The following SLC8A1 variants were observed in gnomAD, a reference collection of about 807,000 sequenced individuals.
SLC8A1 encodes the protein solute carrier family 8 member A1.
In SLC8A1, 18 loss-of-function variants were observed where a neutral mutation model predicts 68.3. The ratio of observed to expected loss-of-function variants is 0.26; its 90% CI spans 0.18 to 0.39. The LOEUF is 0.39. Among genes scored for constraint, SLC8A1 ranks in the 10% least tolerant of loss-of-function variants. The pLI is 1.00. For missense variants in SLC8A1, 985 were observed against 1,156.7 expected (o/e 0.85, Z 2.15); for synonymous variants, 475 against 415.5 (o/e 1.14, Z -1.74).
chr2:40,252,164 T>C (rs902581070), intron 2 of SLC8A1, among the ~76,000 whole-genome samples: 4 of 152,212 alleles, frequency 2.6e-5, no homozygotes, highest in Non-Finnish European at 5.9e-5. Flanking sequence ...TTTATTCATA[T>C]AGAGAGAATT....
intron 2 of SLC8A1, among the ~76,000 whole-genome samples, chr2:40,273,943 AC>A (rs2066377374): frequency 6.8e-6 from 1 of 146,410 alleles, no homozygotes; most frequent in Non-Finnish European, 1.5e-5. Context: ...CTTCTACTTC[AC>A]CAGGGGGCTC....
intron 2 of SLC8A1, among the ~76,000 whole-genome samples, chr2:40,247,367 T>C (rs1336684364): frequency 6.6e-6 from 1 of 152,156 alleles, no homozygotes; most frequent in Non-Finnish European, 1.5e-5. Context: ...TGCCACGTGT[T>C]TGAGAAGGAT....
At chr2:40,510,986 G>A (rs1479028657) in intron 1 of SLC8A1, among the ~76,000 whole-genome samples, 1 of 152,120 alleles carries the variant, frequency 6.6e-6, no homozygotes, top group Non-Finnish European at 1.5e-5. Context: ...ATCTGTATCT[G>A]TTAAATGAAT....
intron 2 of SLC8A1, among the ~76,000 whole-genome samples, chr2:40,230,466 T>C (rs971078632): frequency 6.6e-6 from 1 of 152,146 alleles, no homozygotes; most frequent in Admixed American, 6.6e-5. Flanking sequence ...TGAGAAATGC[T>C]GCTTAGATCC....
intron 2 of SLC8A1, among the ~76,000 whole-genome samples, chr2:40,181,794 A>ATT (rs1382778671): frequency 2.0e-5 from 3 of 152,220 alleles, no homozygotes; most frequent in African/African-American, 7.2e-5. Context: ...CTGAGGTGAA[A>ATT]TAAACCAATG....
At chr2:40,469,239 G>A (rs1703870307) in intron 1 of SLC8A1, among the ~76,000 whole-genome samples, 1 of 152,228 alleles carries the variant, frequency 6.6e-6, no homozygotes, top group East Asian at 1.9e-4. Flanking sequence ...ATATGGAATT[G>A]TAATACCTAC....
intron 7 of SLC8A1, among the ~76,000 whole-genome samples, chr2:40,119,722 A>T (rs1459128866): frequency 6.6e-6 from 1 of 152,112 alleles, no homozygotes; most frequent in Non-Finnish European, 1.5e-5. Flanking sequence ...TAACACATGT[A>T]TTTTTTCCTT....
chr2:40,478,891 C>T (rs1026151315), intron 1 of SLC8A1, among the ~76,000 whole-genome samples: 5 of 152,010 alleles, frequency 3.3e-5, no homozygotes, highest in Non-Finnish European at 5.9e-5. Flanking sequence ...CATGCCTCAG[C>T]CTCCCAAGTA....
At chr2:40,511,146 C>G (rs890515756) in intron 1 of SLC8A1, among the ~76,000 whole-genome samples, 3 of 152,146 alleles carry the variant, frequency 2.0e-5, no homozygotes, top group Non-Finnish European at 4.4e-5. Context: ...TTCTCCATTT[C>G]TCTTTTCTTT....
intron 2 of SLC8A1, among the ~76,000 whole-genome samples, chr2:40,412,722 G>T (rs1013658496): frequency 1.8e-4 from 27 of 152,218 alleles, no homozygotes; most frequent in African/African-American, 5.8e-4. Flanking sequence ...AATTGCAAAG[G>T]CATGAGTCAG....
At chr2:40,421,090 C>A (rs202002097) in intron 2 of SLC8A1, among the ~76,000 whole-genome samples, 2 of 151,986 alleles carry the variant, frequency 1.3e-5, no homozygotes, top group African/African-American at 4.8e-5. Context: ...CCACCAACAC[C>A]AAAAATAATC....
At chr2:40,238,390 T>C (rs186452128) in intron 2 of SLC8A1, among the ~76,000 whole-genome samples, 249 of 152,016 alleles carry the variant, frequency 1.6e-3, no homozygotes, top group African/African-American at 5.6e-3. Flanking sequence ...CGTCACCCCT[T>C]TCTTTGACTC....
At chr2:40,411,852 T>C (rs1692255282) in intron 2 of SLC8A1, among the ~76,000 whole-genome samples, 1 of 152,118 alleles carries the variant, frequency 6.6e-6, no homozygotes, top group African/African-American at 2.4e-5. Flanking sequence ...AAATTTCTTA[T>C]ATTGGGTATC....
rs182987736 is a variant in SLC8A1 at position 40,242,483 on chromosome 2, G to A, written c.1809-64628C>T. Among the ~76,000 whole-genome samples, 26 of 152,258 alleles carry A rather than the reference G, an allele frequency of 1.7e-4. No homozygotes were observed. The East Asian group carries it at 4.8e-3, about 28-fold the overall frequency. On this transcript the variant is annotated intron_variant, in intron 2 of 7. Transcript: ENST00000406785. ...TATGGCATGTGCTCTGAGCAGACAA[G>A]GGTATAATTATAAATCTCCATCCAC...
At chr2:40,197,000 C>A (rs187860040) in intron 2 of SLC8A1, among the ~76,000 whole-genome samples, 6 of 151,892 alleles carry the variant, frequency 4.0e-5, no homozygotes, top group Admixed American at 3.3e-4. Flanking sequence ...TATGGTAGAT[C>A]GATTTGTTCT....
chr2:40,497,541 T>G (rs536113251), intron 1 of SLC8A1, among the ~76,000 whole-genome samples: 17 of 152,176 alleles, frequency 1.1e-4, no homozygotes, highest in African/African-American at 4.1e-4. Context: ...AAAGAATGGT[T>G]CTTTAAAGCT....
rs1437734655 is a variant in SLC8A1, at chr2:40,276,275, T to C, written c.1809-98420A>G. Among the ~76,000 whole-genome samples the C allele has an allele frequency of 2.0e-5, 3 of 152,288 alleles. No individual in the cohort carries two copies. The East Asian group carries it at 5.8e-4, about 29-fold the overall frequency. On this transcript the variant is annotated intron_variant, in intron 2 of 7. Coordinates refer to ENST00000406785, the Ensembl canonical transcript of SLC8A1. The stretch of plus-strand genomic sequence containing the variant: ...ATGTGCTGCCTGATCTCCACTGGCT[T>C]CTTTTGGTGACCACATGTTCCTTAA...
At chr2:40,146,342 T>C (rs761789171) in intron 6 of SLC8A1, among the ~76,000 whole-genome samples, 3 of 152,140 alleles carry the variant, frequency 2.0e-5, no homozygotes, top group African/African-American at 4.8e-5. Context: ...GTTTCAGCTA[T>C]TGGGGAACTC....
At chr2:40,359,974 C>T (rs561043177) in intron 2 of SLC8A1, among the ~76,000 whole-genome samples, 1 of 150,404 alleles carries the variant, frequency 6.6e-6, no homozygotes, top group Non-Finnish European at 1.5e-5. Flanking sequence ...AACGGCTGTG[C>T]AAGAGTCTGT....
Sources: gnomAD v4.1 joint callset for allele counts (sites outside exome capture counted in the v4.1 genomes callset) on GRCh38, gnomAD v4.1.1 for gene constraint, MANE v1.5 for transcripts, NCBI Gene and HGNC (gene_info 2026-07-23, HGNC 2026-07-21) for gene names.